BBX: variants seen among roughly 807,000 people sequenced by gnomAD.
BBX encodes BBX high mobility group box domain containing.
Under a neutral mutation model 100.2 loss-of-function variants are expected in BBX, and 30 were observed. The observed-to-expected ratio is 0.30, with a 90% CI of 0.22 to 0.41. The LOEUF is 0.41. BBX is among the 10% of genes least tolerant of loss of function. The pLI is 1.00. For missense variants in BBX, 1,023 were observed against 1,129.8 expected, an observed-to-expected ratio of 0.91 and a Z score of 1.35; for synonymous variants, 376 against 388.1, an observed-to-expected ratio of 0.97 and a Z score of 0.37.
chr3:107,771,917 A>G (rs1349978475), intron 10 of BBX, among the ~76,000 whole-genome samples: 1 of 152,162 alleles, frequency 6.6e-6, no homozygotes, highest in Non-Finnish European at 1.5e-5. Flanking sequence ...GAGGATGATT[A>G]AATACAGGTT....
chr3:107,732,123 G>T (rs2063354833), intron 6 of BBX, among the ~76,000 whole-genome samples: 1 of 152,098 alleles, frequency 6.6e-6, no homozygotes, highest in Non-Finnish European at 1.5e-5. Context: ...TGCGATCTTA[G>T]CTCACTGTAG....
chr3:107,653,155 G>A (rs985059507), intron 3 of BBX, among the ~76,000 whole-genome samples: 4 of 152,114 alleles, frequency 2.6e-5, no homozygotes, highest in African/African-American at 9.7e-5. Context: ...CGGTCTCTTT[G>A]TGCCTTCAAG....
chr3:107,615,575 T>TCTAA (rs1470341793), intron 2 of BBX, among the ~76,000 whole-genome samples: 5 of 152,076 alleles, frequency 3.3e-5, no homozygotes, highest in African/African-American at 9.7e-5. Flanking sequence ...ACCTCAAAGG[T>TCTAA]TCAACTCCAA....
intron 7 of BBX, among the ~76,000 whole-genome samples, chr3:107,743,632 AGTGAGAAACT>A (rs1219564230): frequency 5.3e-5 from 8 of 152,236 alleles, no homozygotes; most frequent in African/African-American, 1.7e-4. Context: ...TAAGAGGGTC[AGTGAGAAACT>A]GTTTTTAGGA....
chr3:107,706,918 A>G lies in BBX; in HGVS notation c.-9-3534A>G, dbSNP rs536352035. ...TAAAATGATTCTCTCTTGCTTTCTC[A>G]TTACTTCTGAATCATAATCAGGAAC... On this transcript the variant is annotated intron_variant, in intron 3 of 17. Coordinates refer to ENST00000325805, the MANE Select transcript of BBX (RefSeq NM_001142568.3). Among the ~76,000 whole-genome samples, 8 of 152,014 alleles carry G rather than the reference A, an allele frequency of 5.3e-5. No homozygotes were observed. In the South Asian group the frequency reaches 1.0e-3, roughly 20 times the overall value.
intron 13 of BBX, among the ~76,000 whole-genome samples, chr3:107,783,775 A>T (rs1232966392): frequency 6.6e-6 from 1 of 152,040 alleles, no homozygotes; most frequent in African/African-American, 2.4e-5. Context: ...TAGTATGTAC[A>T]TGTGATATAT....
intron 3 of BBX, chr3:107,677,444 A>T (rs904641815): frequency 6.6e-6 from 1 of 152,118 alleles, no homozygotes; most frequent in Non-Finnish European, 1.5e-5. Context: ...TTGACTTAAA[A>T]TGGGGCTACA....
At chr3:107,653,677 G>A (rs778390910) in intron 3 of BBX, among the ~76,000 whole-genome samples, 11 of 152,012 alleles carry the variant, frequency 7.2e-5, no homozygotes, top group East Asian at 1.9e-4. Context: ...AACATTTACC[G>A]TAAAGCAATT....
At chr3:107,534,495 C>G (rs1364468836) in intron 2 of BBX, among the ~76,000 whole-genome samples, 1 of 152,150 alleles carries the variant, frequency 6.6e-6, no homozygotes, top group East Asian at 1.9e-4. Context: ...TTCTTCCTCT[C>G]TCTCATCTCT....
chr3:107,532,087 C>T (rs547923421), intron 2 of BBX, among the ~76,000 whole-genome samples: 3 of 151,720 alleles, frequency 2.0e-5, no homozygotes, highest in East Asian at 1.9e-4. Context: ...CCCAGCTACT[C>T]GGAGGCTGAG....
At chr3:107,778,642 C>A in intron 13 of BBX, 123 bp downstream of exon 13, 3 of 1,085,278 alleles carry the variant, frequency 2.8e-6, no homozygotes, top group Non-Finnish European at 4.0e-6. Context: ...GAGTTAGAAT[C>A]TTAGGTTGCT....
chr3:107,798,737 T>C lies in BBX; in HGVS notation c.2551+17T>C. 6.2e-7 allele frequency: 1 copy of C among 1,612,018 alleles called. No homozygotes were observed. Among genetic ancestry groups the C allele is most frequent in the East Asian group, 2.2e-5 (1 of 44,846 alleles). ...GTACTTTGGGTAAGAAGAGAGAGCT[T>C]TAGACCAGAGGTGTCCAATCTTTTA... On this transcript the variant is annotated intron_variant, in intron 16 of 17. Transcript: ENST00000325805.
At chr3:107,539,943 G>T (rs917469493) in intron 2 of BBX, among the ~76,000 whole-genome samples, 1 of 152,120 alleles carries the variant, frequency 6.6e-6, no homozygotes, top group African/African-American at 2.4e-5. Context: ...CATGGTAAAA[G>T]CTCAACAGAT....
At chr3:107,606,365 G>T (rs1434312340) in intron 2 of BBX, among the ~76,000 whole-genome samples, 1 of 152,210 alleles carries the variant, frequency 6.6e-6, no homozygotes, top group African/African-American at 2.4e-5. Context: ...GAAACAAAAA[G>T]GCTTCAGAAG....
intron 3 of BBX, among the ~76,000 whole-genome samples, chr3:107,676,882 G>T (rs73850117): frequency 0.013 from 2,027 of 152,178 alleles, 40 homozygotes; most frequent in African/African-American, 0.047. Flanking sequence ...TAAGCAAGCA[G>T]AGAAATTTTA....
At chr3:107,704,318 C>T (rs6769119) in intron 3 of BBX, among the ~76,000 whole-genome samples, 150,781 of 152,328 alleles carry the variant, frequency 0.99, 74,648 homozygotes, top group Middle Eastern at 1. Context: ...AATACCCTTT[C>T]CAGAAACTAC....
At chr3:107,739,127 C>T (rs2063876744) in intron 7 of BBX, among the ~76,000 whole-genome samples, 1 of 152,110 alleles carries the variant, frequency 6.6e-6, no homozygotes, top group South Asian at 2.1e-4. Flanking sequence ...GGAAACTTTT[C>T]ACTTTCTTTA....
At chr3:107,541,874 A>G (rs1648888) in intron 2 of BBX, among the ~76,000 whole-genome samples, 16,247 of 151,374 alleles carry the variant, frequency 0.11, 982 homozygotes, top group Non-Finnish European at 0.12. Flanking sequence ...GCTAGAGTGC[A>G]TCGGTGTGAT....
At chr3:107,528,952 G>A (rs1346578551) in intron 2 of BBX, among the ~76,000 whole-genome samples, 2 of 152,146 alleles carry the variant, frequency 1.3e-5, no homozygotes, top group Non-Finnish European at 2.9e-5. Flanking sequence ...AGTAGATCTT[G>A]TCATGAATTT....
Sources: gnomAD v4.1 joint callset for allele counts (sites outside exome capture counted in the v4.1 genomes callset) on GRCh38, gnomAD v4.1.1 for gene constraint, MANE v1.5 for transcripts, NCBI Gene and HGNC (gene_info 2026-07-23, HGNC 2026-07-21) for gene names.